The following HIF3A variants were observed in gnomAD, a reference collection of about 807,000 sequenced individuals.
HIF3A encodes the protein hypoxia inducible factor 3 subunit alpha.
Under a neutral mutation model 67.2 loss-of-function variants are expected in HIF3A, and 41 were observed. The observed-to-expected ratio is 0.61, with a 90% CI of 0.48 to 0.79. The LOEUF is 0.79. Ranked by LOEUF, HIF3A falls within the 30% of genes least tolerant of loss-of-function variation. HIF3A has a pLI of 0.00. For missense variants in HIF3A, 855 were observed against 898.0 expected (o/e 0.95, Z 0.61); for synonymous variants, 356 against 374.8 (o/e 0.95, Z 0.58).
At position 46,304,035 on chromosome 19, in the gene HIF3A, C is replaced by G. The variant is rs1968582274; in HGVS notation, c.164C>G (p.Ser55Cys). The change falls in exon 2 of 15, where the codon TCT becomes TGT. Residue 55 changes from serine (S) to cysteine (C), a missense_variant. By Grantham distance (112) the Ser-to-Cys change is moderately radical (BLOSUM62 -1). Transcript: ENST00000377670. ...RGVSAHLDKASIMRLTISYLR... is the reference protein window; with the variant it reads ...RGVSAHLDKACIMRLTISYLR... Reference sequence around the variant, plus strand: ...GTCAGCGCCCACCTGGACAAGGCCTCTATCATGCGCCTCACCATCAGCTAC... The same window carrying G: ...GTCAGCGCCCACCTGGACAAGGCCTGTATCATGCGCCTCACCATCAGCTAC... 1 of 1,589,578 alleles carries G rather than the reference C, an allele frequency of 6.3e-7. No individual in the cohort carries two copies. Among genetic ancestry groups the G allele is most frequent in the Admixed American group, 1.8e-5 (1 of 56,946 alleles).
At position 46,329,374 on chromosome 19, in the gene HIF3A, G is replaced by A; in HGVS notation, c.1608G>A (p.Glu536=). ...ATGGCCTGTCACCTCCAGCCCTTGA[G>A]CCCTCCCTGCTACCCCGCTGGGGGA... ...SFHGLSPPAL[E]PSLLPRWGSD... is the part of the protein sequence containing the mutation. The change falls in exon 12 of 15, where the codon GAG becomes GAA. Residue 536 remains glutamate, a synonymous_variant. Transcript: ENST00000377670. The A allele has an allele frequency of 1.2e-6, 2 of 1,612,356 alleles. No individual in the cohort carries two copies. The highest frequency in any genetic ancestry group is 1.7e-6 in the Non-Finnish European group (2 of 1,179,426).
At chr19:46,328,286 G>A (rs1970937694) in intron 11 of HIF3A, among the ~76,000 whole-genome samples, 1 of 152,184 alleles carries the variant, frequency 6.6e-6, no homozygotes, top group Non-Finnish European at 1.5e-5. Flanking sequence ...ACATTCCAGA[G>A]GTTTAGAGGT....
intron 14 of HIF3A, among the ~76,000 whole-genome samples, chr19:46,338,793 C>T (rs887252500): frequency 6.6e-6 from 1 of 152,134 alleles, no homozygotes; most frequent in Non-Finnish European, 1.5e-5. Flanking sequence ...ACTAGGGCAG[C>T]ATCTGACTCT....
Position 46,312,523 on chromosome 19 carries a change from G to A in HIF3A, c.895G>A (p.Ala299Thr), listed in dbSNP as rs752696712. The A allele has an allele frequency of 1.2e-5, 20 of 1,614,042 alleles. No homozygotes were observed. The highest frequency in any genetic ancestry group is 1.7e-5 in the Non-Finnish European group (20 of 1,179,996). Residue 299 changes from alanine (A) to threonine (T), a missense_variant, in exon 8 of 15, where the codon GCA becomes ACA. Transcript: ENST00000377670. ...CTCCTCAGTGCTGAGCAAGGGCCAG[G>A]CAGTAACAGGGCAGTATCGCTTCCT... ...SIHTLLSKGQ[A>T]VTGQYRFLAR...
At chr19:46,330,826 ATGG>A (rs542118824) in intron 12 of HIF3A, among the ~76,000 whole-genome samples, 269 of 146,446 alleles carry the variant, frequency 1.8e-3, no homozygotes, top group African/African-American at 6.4e-3. Context: ...TGGCAGACAG[ATGG>A]TGGATGGATG....
At position 46,339,718 on chromosome 19, in the gene HIF3A, G is replaced by A. The variant is rs1391156987; in HGVS notation, c.*96G>A. 7.2e-6 allele frequency: 6 copies of A among 838,462 alleles called. No homozygotes were observed. The African/African-American group carries it at 1.0e-4, about 14-fold the overall frequency. The allele number at this position is 838,462 out of a possible 1,614,324, so 51.9% of individuals were successfully genotyped here. On this transcript the variant is annotated 3_prime_UTR_variant, in exon 15 of 15. Transcript: ENST00000377670. ...AACGCACAGGATGGGGGCGCCAGGA[G>A]AGGGGCCCCTCTCTCCTCTATGTAC...
chr19:46,308,924 C>G, intron 5 of HIF3A, 149 bp downstream of exon 5: 1 of 669,480 alleles, frequency 1.5e-6, no homozygotes, highest in Non-Finnish European at 2.5e-6. Flanking sequence ...CTCAGGGCAT[C>G]GAGGAGCATG....
rs559068148 is a variant in HIF3A at position 46,308,629 on chromosome 19, C to G, written c.449-34C>G. The G allele has an allele frequency of 1.8e-4, 241 of 1,361,580 alleles. 4 individuals are homozygous for G. The South Asian group carries it at 2.6e-3, about 14-fold the overall frequency. The allele number at this position is 1,361,580 out of a possible 1,614,324, so 84.3% of individuals were successfully genotyped here. On this transcript the variant is annotated intron_variant, in intron 4 of 14. Transcript: ENST00000377670. ...GGGCACTGGGCCTGTGTGTAGCTGC[C>G]TGTGACCTCCCCGCTGCCCCCGGGC...
At chr19:46,305,564 G>A (rs896251201) in intron 3 of HIF3A, among the ~76,000 whole-genome samples, 174 bp downstream of exon 3, 1 of 152,170 alleles carries the variant, frequency 6.6e-6, no homozygotes, top group South Asian at 2.1e-4. Context: ...GACAGTCTAG[G>A]GGGCTGTGAG....
chr19:46,318,465 A>AC (rs112425046), intron 8 of HIF3A, among the ~76,000 whole-genome samples: 16,311 of 145,574 alleles, frequency 0.11, 1,216 homozygotes, highest in East Asian at 0.31. Flanking sequence ...CAGGAGGATC[A>AC]CTGAGCCTGG....
chr19:46,298,583 G>A, intron 1 of HIF3A: 2 of 1,151,330 alleles, frequency 1.7e-6, no homozygotes, highest in Non-Finnish European at 2.3e-6. Flanking sequence ...CCATCCCACT[G>A]TGGCCAAGGA....
rs1417780002 is a variant in HIF3A, at chr19:46,338,576, A to T, written c.1913-949A>T. The T allele has an allele frequency of 3.7e-6, 4 of 1,092,086 alleles. No individual in the cohort carries two copies. In the East Asian group the frequency reaches 3.6e-4, roughly 98 times the overall value. 67.6% of individuals were successfully genotyped at this position (1,092,086 alleles called of 1,614,324 possible). On this transcript the variant is annotated intron_variant, in intron 14 of 14. Transcript: ENST00000377670. ...GTATCCTGGTTTCCCAAGTAACAAC[A>T]GCTGACTTAACTGCTTTCTCACCAG...
rs1283465057 is a variant in HIF3A at position 46,305,228 on chromosome 19, C to T, written c.218-17C>T. 1 of 1,613,596 alleles carries T rather than the reference C, an allele frequency of 6.2e-7. No individual in the cohort carries two copies. Among genetic ancestry groups the T allele is most frequent in the Non-Finnish European group, 8.5e-7 (1 of 1,179,990 alleles). On this transcript the variant is annotated splice_polypyrimidine_tract_variant and intron_variant, in intron 2 of 14. Transcript: ENST00000377670. ...AACTGACTAGAGATGCCCCCATCCC[C>T]CTGCCCCGGGCACCAGGGGAGTGGA...
At chr19:46,324,626 G>A (rs1970619539) in intron 10 of HIF3A, among the ~76,000 whole-genome samples, 1 of 151,844 alleles carries the variant, frequency 6.6e-6, no homozygotes, top group South Asian at 2.1e-4. Flanking sequence ...GGCTGAGGTG[G>A]GGAGATTATC....
chr19:46,312,693 T>C lies in HIF3A; in HGVS notation c.1025+40T>C, dbSNP rs543131785. 29 of 1,520,648 alleles carry C rather than the reference T, an allele frequency of 1.9e-5. No individual in the cohort carries two copies. The South Asian group carries it at 3.7e-4, about 19-fold the overall frequency. The allele number at this position is 1,520,648 out of a possible 1,614,324, so 94.2% of individuals were successfully genotyped here. ...GGGCTGGGGTGGCTGTGTGTGGGCC[T>C]GATCTGCATGTGTGGACAGGTGTGT... is the stretch of plus-strand genomic sequence containing the variant. On this transcript the variant is annotated intron_variant, in intron 8 of 14. Transcript: ENST00000377670.
chr19:46,340,133 T>G lies in HIF3A; in HGVS notation c.*511T>G, dbSNP rs545905627. 1.1e-4 allele frequency: 17 copies of G among 152,450 alleles called. No individual in the cohort carries two copies. Among genetic ancestry groups the G allele is most frequent in the African/African-American group, 4.1e-4 (17 of 41,568 alleles). 9.4% of individuals were successfully genotyped at this position (152,450 alleles called of 1,614,324 possible). The stretch of plus-strand genomic sequence containing the variant: ...CCTGGGGTCTGTAAGAATGTGGGAC[T>G]CTGATCTTCCCCCTCTTCAGGTGTC... On this transcript the variant is annotated 3_prime_UTR_variant, in exon 15 of 15. Coordinates refer to ENST00000377670, the MANE Select transcript of HIF3A (RefSeq NM_152795.4).
At position 46,308,647 on chromosome 19, in the gene HIF3A, C is replaced by T. The variant is rs1969130798; in HGVS notation, c.449-16C>T. ...TAGCTGCCTGTGACCTCCCCGCTGC[C>T]CCCGGGCCTCCCCAGCCCTGTCCAG... On this transcript the variant is annotated splice_polypyrimidine_tract_variant and intron_variant, in intron 4 of 14. Transcript: ENST00000377670. 2.0e-6 allele frequency: 3 copies of T among 1,529,176 alleles called. No homozygotes were observed. Among genetic ancestry groups the T allele is most frequent in the Non-Finnish European group, 1.8e-6 (2 of 1,119,964 alleles). 94.7% of individuals were successfully genotyped at this position (1,529,176 alleles called of 1,614,324 possible). A position where few individuals can be genotyped will look rare whatever the true frequency, so the allele number is the denominator to read the frequency against.
At chr19:46,334,266 A>G (rs553401077) in intron 13 of HIF3A, among the ~76,000 whole-genome samples, 99 of 151,316 alleles carry the variant, frequency 6.5e-4, no homozygotes, top group South Asian at 1.3e-3. Flanking sequence ...TAATTTTTGT[A>G]TTTTTAGTAG....
At chr19:46,298,500 G>A (rs1179642345) in intron 1 of HIF3A, 4 of 1,283,106 alleles carry the variant, frequency 3.1e-6, no homozygotes, top group Non-Finnish European at 4.1e-6. Flanking sequence ...TCAGCCAACG[G>A]GGGCCTGGGC....
Sources: gnomAD v4.1 joint callset for allele counts (sites outside exome capture counted in the v4.1 genomes callset) on GRCh38, gnomAD v4.1.1 for gene constraint, MANE v1.5 for transcripts, NCBI Gene and HGNC (gene_info 2026-07-23, HGNC 2026-07-21) for gene names.